Variants in MAF observed in about 807,000 individuals in gnomAD.
The protein encoded by MAF is transcription factor Maf.
A neutral mutation model predicts 22.0 loss-of-function variants in MAF; 10 were observed. The observed-to-expected ratio is 0.45, with a 90% CI of 0.28 to 0.77. MAF has a LOEUF of 0.77. Ranked by LOEUF, MAF falls within the 30% of genes least tolerant of loss-of-function variation. MAF has a pLI of 0.12. For synonymous variants in MAF, 337 were observed against 255.8 expected, an observed-to-expected ratio of 1.32 and a Z score of -3.03; for missense variants, 544 against 548.4, an observed-to-expected ratio of 0.99 and a Z score of 0.08.
the MAF span, among the ~76,000 whole-genome samples, chr16:79,540,284 C>T: frequency 2.6e-5 from 4 of 151,852 alleles, no homozygotes; most frequent in Non-Finnish European, 5.9e-5. Context: ...AGGCCATCTC[C>T]AGACACATCG....
the MAF span, among the ~76,000 whole-genome samples, chr16:79,530,460 A>T: frequency 6.6e-6 from 1 of 152,218 alleles, no homozygotes; most frequent in Non-Finnish European, 1.5e-5. Context: ...AGGGGAAAAA[A>T]ATTTTATTTT....
At chr16:79,392,740 C>A in the MAF span, among the ~76,000 whole-genome samples, 1 of 152,142 alleles carries the variant, frequency 6.6e-6, no homozygotes, top group African/African-American at 2.4e-5. Flanking sequence ...GAGTAGGTAG[C>A]CCAGTAGGAC....
chr16:79,354,436 G>C, the MAF span, among the ~76,000 whole-genome samples: 1 of 152,184 alleles, frequency 6.6e-6, no homozygotes, highest in Non-Finnish European at 1.5e-5. Flanking sequence ...AGGCACACAG[G>C]CCACATGTAC....
At chr16:79,205,946 T>G in the MAF span, 1 of 152,132 alleles carries the variant, frequency 6.6e-6, no homozygotes, top group African/African-American at 2.4e-5. Flanking sequence ...TTGAAAAAAT[T>G]CTATCATCAA....
chr16:79,348,927 T>A, the MAF span, among the ~76,000 whole-genome samples: 2 of 152,184 alleles, frequency 1.3e-5, no homozygotes, highest in Admixed American at 1.3e-4. Flanking sequence ...CTCAAGGCCC[T>A]AGATCTGGTG....
the MAF span, among the ~76,000 whole-genome samples, chr16:79,263,141 T>G: frequency 6.6e-6 from 1 of 152,190 alleles, no homozygotes; most frequent in African/African-American, 2.4e-5. Context: ...GGCAGTGAAC[T>G]AGGCAGACAC....
At chr16:79,311,298 C>A in the MAF span, among the ~76,000 whole-genome samples, 2 of 151,924 alleles carry the variant, frequency 1.3e-5, no homozygotes, top group Non-Finnish European at 2.9e-5. Flanking sequence ...GAGTTTGCAC[C>A]TTCTGGCTCC....
the MAF span, among the ~76,000 whole-genome samples, chr16:79,573,144 G>T: frequency 6.6e-6 from 1 of 152,124 alleles, no homozygotes; most frequent in Admixed American, 6.6e-5. Context: ...TGGATTTCCA[G>T]GAGCTATTTA....
chr16:79,305,973 G>C, the MAF span, among the ~76,000 whole-genome samples: 1 of 152,152 alleles, frequency 6.6e-6, no homozygotes, highest in African/African-American at 2.4e-5. Context: ...CCCAAGCTCT[G>C]CATGCCCCTC....
intron 1 of MAF, among the ~76,000 whole-genome samples, chr16:79,586,335 G>C (rs779215713): frequency 7.2e-5 from 11 of 152,172 alleles, no homozygotes; most frequent in African/African-American, 4.8e-5. Flanking sequence ...AGGACTCTCA[G>C]GCTGTCCGCC....
chr16:79,210,883 C>G, the MAF span, among the ~76,000 whole-genome samples: 2 of 152,158 alleles, frequency 1.3e-5, no homozygotes, highest in Non-Finnish European at 2.9e-5. Flanking sequence ...TTGCAACTTA[C>G]ATTTTGAAGT....
the MAF span, among the ~76,000 whole-genome samples, chr16:79,481,803 G>A: frequency 6.6e-6 from 1 of 152,290 alleles, no homozygotes; most frequent in East Asian, 1.9e-4. Context: ...TACTAGCCCT[G>A]GCACTAGAAT....
chr16:79,594,379 G>C lies in MAF; in HGVS notation c.*81C>G, dbSNP rs113690274. 3.9e-4 allele frequency: 482 copies of C among 1,243,972 alleles called. 2 individuals carry two copies. In the African/African-American group the frequency reaches 6.1e-3, roughly 16 times the overall value. 77.1% of individuals were successfully genotyped at this position (1,243,972 alleles called of 1,614,324 possible). ...TATTTAAAAAGGAGACTAAACAGAA[G>C]TCAGGGGTAGGTGGTTCTCCATGAC... On this transcript the variant is annotated 3_prime_UTR_variant, in exon 2 of 2. Transcript: ENST00000326043.
chr16:79,382,452 G>A, the MAF span, among the ~76,000 whole-genome samples: 1 of 152,286 alleles, frequency 6.6e-6, no homozygotes, highest in South Asian at 2.1e-4. Context: ...TGGCTATTGA[G>A]CACTTGAAAT....
the MAF span, among the ~76,000 whole-genome samples, chr16:79,289,576 G>A: frequency 5.9e-5 from 9 of 152,236 alleles, no homozygotes; most frequent in African/African-American, 9.6e-5. Flanking sequence ...TACTACGGGC[G>A]GATGAGTGTG....
At chr16:79,253,769 G>T in the MAF span, among the ~76,000 whole-genome samples, 1 of 152,254 alleles carries the variant, frequency 6.6e-6, no homozygotes, top group African/African-American at 2.4e-5. Context: ...CTTCCCGTCT[G>T]CGAGGCCTGG....
the MAF span, among the ~76,000 whole-genome samples, chr16:79,521,703 G>A: frequency 1.7e-4 from 26 of 152,214 alleles, no homozygotes; most frequent in South Asian, 6.2e-4. Context: ...TTTTGTCTCC[G>A]AGACTCAGTT....
the MAF span, chr16:79,205,169 C>CA: frequency 6.6e-6 from 1 of 152,296 alleles, no homozygotes; most frequent in Admixed American, 6.5e-5. Flanking sequence ...CTTCCCCCTG[C>CA]ATGCGTTTCT....
At chr16:79,213,470 C>G in the MAF span, among the ~76,000 whole-genome samples, 1 of 152,150 alleles carries the variant, frequency 6.6e-6, no homozygotes, top group Non-Finnish European at 1.5e-5. Context: ...CAGAACTCCA[C>G]TCTCAGAATC....
Sources: gnomAD v4.1 joint callset for allele counts (sites outside exome capture counted in the v4.1 genomes callset) on GRCh38, gnomAD v4.1.1 for gene constraint, MANE v1.5 for transcripts, NCBI Gene and HGNC (gene_info 2026-07-23, HGNC 2026-07-21) for gene names.